ANKFN1: variants seen among roughly 807,000 people sequenced by gnomAD.
ANKFN1 encodes the protein ankyrin repeat and fibronectin type-III domain-containing protein 1.
Under a neutral mutation model 108.7 loss-of-function variants are expected in ANKFN1, and 74 were observed. The ratio of observed to expected loss-of-function variants is 0.68; its 90% confidence interval spans 0.56 to 0.83. The LOEUF (loss-of-function observed/expected upper bound fraction) is 0.83. Among genes scored for constraint, ANKFN1 ranks in the 40% least tolerant of loss-of-function variants. The pLI is 0.00. For missense variants in ANKFN1, 1,505 were observed against 1,382.3 expected, an observed-to-expected ratio of 1.09 and a Z score of -1.41; for synonymous variants, 547 against 516.2, an observed-to-expected ratio of 1.06 and a Z score of -0.81.
intron 1 of ANKFN1, among the ~76,000 whole-genome samples, chr17:56,208,717 C>T (rs1291189982): frequency 6.6e-6 from 1 of 152,118 alleles, no homozygotes; most frequent in Non-Finnish European, 1.5e-5. Flanking sequence ...AATTTTACAT[C>T]CCTATTCAGT....
chr17:56,138,943 G>A (rs922998788), intron 4 of ANKFN1, among the ~76,000 whole-genome samples: 1 of 152,088 alleles, frequency 6.6e-6, no homozygotes, highest in African/African-American at 2.4e-5. Context: ...GAGTTCAACC[G>A]TTTAGGCCTT....
intron 3 of ANKFN1, among the ~76,000 whole-genome samples, chr17:56,316,089 G>C (rs1024459843): frequency 1.3e-5 from 2 of 152,152 alleles, no homozygotes; most frequent in Non-Finnish European, 2.9e-5. Context: ...GAAGAAAGGG[G>C]ACAAAGTTTT....
At chr17:56,480,842 C>A in intron 17 of ANKFN1, 24 bp downstream of exon 17, 1 of 1,606,908 alleles carries the variant, frequency 6.2e-7, no homozygotes, top group Non-Finnish European at 8.5e-7. Flanking sequence ...CCATTTTTAT[C>A]TTCTTTTTTT....
At chr17:56,269,600 A>C (rs924289935) in intron 3 of ANKFN1, among the ~76,000 whole-genome samples, 7 of 152,214 alleles carry the variant, frequency 4.6e-5, no homozygotes, top group Non-Finnish European at 7.4e-5. Context: ...CCTGGATTTC[A>C]TGAGAAAAAA....
intron 15 of ANKFN1, chr17:56,473,782 G>A (rs530360893): frequency 3.3e-4 from 50 of 151,808 alleles, no homozygotes; most frequent in African/African-American, 1.2e-3. Flanking sequence ...ACTACATAAA[G>A]GCAAGAAAAC....
intron 6 of ANKFN1, among the ~76,000 whole-genome samples, chr17:56,358,991 G>T (rs559137002): frequency 5.3e-5 from 8 of 152,088 alleles, no homozygotes; most frequent in Non-Finnish European, 1.0e-4. Context: ...TTCTGAGATG[G>T]CCATTAAGAC....
At chr17:56,373,713 C>T (rs2144775861) in intron 7 of ANKFN1, among the ~76,000 whole-genome samples, 1 of 152,320 alleles carries the variant, frequency 6.6e-6, no homozygotes, top group Admixed American at 6.5e-5. Flanking sequence ...AACTTAGCAA[C>T]ATTAATGAAA....
chr17:56,127,004 T>C (rs1297896350), intron 4 of ANKFN1, among the ~76,000 whole-genome samples: 1 of 152,222 alleles, frequency 6.6e-6, no homozygotes, highest in Non-Finnish European at 1.5e-5. Flanking sequence ...AAAGAGTAGC[T>C]ATTACATACT....
At chr17:56,274,230 T>C (rs1402450488) in intron 3 of ANKFN1, among the ~76,000 whole-genome samples, 2 of 152,066 alleles carry the variant, frequency 1.3e-5, no homozygotes, top group Non-Finnish European at 2.9e-5. Flanking sequence ...CCCAGCAACT[T>C]TGGGAGGCCG....
intron 3 of ANKFN1, among the ~76,000 whole-genome samples, chr17:56,302,782 A>T (rs1025833029): frequency 7.8e-4 from 119 of 152,312 alleles, no homozygotes; most frequent in African/African-American, 2.5e-3. Context: ...TTTACACAAA[A>T]ATGAGAACTG....
At position 56,510,577 on chromosome 17, in the gene ANKFN1, G is replaced by GTCTAC. The variant is rs1207280581; in HGVS notation, c.2750_2754dup (p.Leu919SerfsTer16). ...CCTGAGCCCCAGAGACCTGGACCTG[G>GTCTAC]TCTACCTATCATCTCACGACATTGC... is the stretch of plus-strand genomic sequence containing the variant. On this transcript the variant is annotated frameshift_variant, in exon 21 of 21. Transcript: ENST00000682825. LOFTEE classifies it low-confidence loss of function (END_TRUNC). 1 of 1,536,066 alleles carries GTCTAC rather than the reference G, an allele frequency of 6.5e-7. No homozygotes were observed. The highest frequency in any genetic ancestry group is 8.7e-7 in the Non-Finnish European group (1 of 1,146,918).
chr17:56,467,421 T>C (rs531427245), intron 15 of ANKFN1, among the ~76,000 whole-genome samples: 199 of 152,048 alleles, frequency 1.3e-3, no homozygotes, highest in African/African-American at 4.6e-3. Flanking sequence ...GGCTCACACC[T>C]GTAATCGTAG....
intron 4 of ANKFN1, among the ~76,000 whole-genome samples, chr17:56,327,385 C>A (rs564787758): frequency 6.6e-6 from 1 of 152,082 alleles, no homozygotes; most frequent in Admixed American, 6.6e-5. Context: ...GTCTTTGGTG[C>A]ACTCTATCTG....
chr17:56,288,106 A>C (rs2044265561), intron 3 of ANKFN1, among the ~76,000 whole-genome samples: 1 of 152,038 alleles, frequency 6.6e-6, no homozygotes, highest in African/African-American at 2.4e-5. Flanking sequence ...ATTTTTCCAC[A>C]ATGCACAATT....
At chr17:56,201,504 ACC>A (rs1344740810) in intron 1 of ANKFN1, among the ~76,000 whole-genome samples, 85 of 152,192 alleles carry the variant, frequency 5.6e-4, no homozygotes, top group African/African-American at 1.6e-3. Context: ...TAAACTGTAA[ACC>A]CCATAAGAAT....
chr17:56,063,134 C>A (rs548716368), intron 4 of ANKFN1, among the ~76,000 whole-genome samples: 20 of 152,222 alleles, frequency 1.3e-4, no homozygotes, highest in African/African-American at 3.9e-4. Context: ...GGTGACGTGG[C>A]CTTTCTCTCA....
chr17:56,300,246 G>A (rs1567896118), intron 3 of ANKFN1, among the ~76,000 whole-genome samples: 1 of 152,176 alleles, frequency 6.6e-6, no homozygotes, highest in Non-Finnish European at 1.5e-5. Context: ...TTGTAAATTA[G>A]CACATTTCAG....
At position 56,057,942 on chromosome 17, in the gene ANKFN1, A is replaced by G. The variant is rs149424097; in HGVS notation, c.288+11617A>G. ...TCTTCAGTAACTAGATGCATTGTCA[A>G]TGAGCAGTAATATTTTGAAATAAAT... is the stretch of plus-strand genomic sequence containing the variant. On this transcript the variant is annotated intron_variant, in intron 4 of 12. Coordinates refer to the ANKFN1 transcript ENST00000635860. Among the ~76,000 whole-genome samples, 130 of 152,334 alleles carry G rather than the reference A, an allele frequency of 8.5e-4. 2 individuals are homozygous for G. Among genetic ancestry groups the G allele is most frequent in the Admixed American group, 7.6e-3 (116 of 15,296 alleles).
Position 56,174,224 on chromosome 17 carries a change from C to A in ANKFN1, c.-71+20694C>A, listed in dbSNP as rs1910922987. The A allele has an allele frequency of 1.3e-5, 13 of 985,530 alleles. No homozygotes were observed. In the South Asian group the frequency reaches 6.1e-4, roughly 46 times the overall value. The allele number at this position is 985,530 out of a possible 1,614,324, so 61.0% of individuals were successfully genotyped here. Reference sequence around the variant, plus strand: ...AGATGCCTGCAGGGTTCTCTCTTTGCCAGCAGCTCTTCAAAGACTTGTGAG... The same window carrying A: ...AGATGCCTGCAGGGTTCTCTCTTTGACAGCAGCTCTTCAAAGACTTGTGAG... On this transcript the variant is annotated intron_variant, in intron 1 of 20. Transcript: ENST00000682825.
Sources: allele counts gnomAD v4.1 joint callset (sites outside exome capture counted in the v4.1 genomes callset), GRCh38; gene constraint gnomAD v4.1.1; transcripts MANE v1.5; gene names NCBI Gene and HGNC (gene_info 2026-07-23, HGNC 2026-07-21).